The following GAK variants were observed in gnomAD, a reference collection of about 807,000 sequenced individuals.
GAK encodes cyclin G associated kinase, also known as cyclin-G-associated kinase.
A neutral mutation model predicts 143.9 loss-of-function variants in GAK; 79 were observed. That is an observed-to-expected ratio of 0.55 (90% CI 0.46 to 0.66). The LOEUF is 0.66. Ranked by LOEUF, GAK falls within the 30% of genes least tolerant of loss-of-function variation. GAK has a pLI of 0.00. For synonymous variants in GAK, 881 were observed against 765.5 expected (o/e 1.15, Z -2.49); for missense variants, 1,693 against 1,779.7 (o/e 0.95, Z 0.88).
At chr4:857,209 A>C (rs937147283) in intron 24 of GAK, among the ~76,000 whole-genome samples, 1 of 152,120 alleles carries the variant, frequency 6.6e-6, no homozygotes, top group Non-Finnish European at 1.5e-5. Flanking sequence ...TATACCGATA[A>C]ATCCTATTTG....
At chr4:903,550 G>A (rs931307966) in intron 5 of GAK, among the ~76,000 whole-genome samples, 1 of 152,102 alleles carries the variant, frequency 6.6e-6, no homozygotes, top group African/African-American at 2.4e-5. Context: ...CACTGGGTGA[G>A]CAGGAGTTGG....
chr4:917,133 C>T (rs922048321), intron 1 of GAK, among the ~76,000 whole-genome samples: 3 of 152,246 alleles, frequency 2.0e-5, no homozygotes, highest in African/African-American at 4.8e-5. Flanking sequence ...AAAACACAAA[C>T]GACCAGGCCA....
chr4:893,303 G>A (rs1236873402), intron 9 of GAK, 74 bp downstream of exon 9: 4 of 1,107,730 alleles, frequency 3.6e-6, no homozygotes, highest in Non-Finnish European at 5.1e-6. Context: ...CCTCCCCTCT[G>A]CGGGGGATCT....
chr4:864,793 C>T (rs777507228), intron 23 of GAK, among the ~76,000 whole-genome samples: 1 of 152,194 alleles, frequency 6.6e-6, no homozygotes, highest in Non-Finnish European at 1.5e-5. Context: ...GCACGTGGTC[C>T]ACAGAGTGTG....
In GAK at chr4:849,793, G is replaced by A. The variant is rs1234645093; in HGVS notation, c.3835-19C>T. On this transcript the variant is annotated intron_variant, in intron 27 of 27. Coordinates refer to ENST00000314167, the MANE Select transcript of GAK (RefSeq NM_005255.4). The stretch of plus-strand genomic sequence containing the variant: ...CCGCAGCCTATGGGTGACAGGCGGT[G>A]TAAGCGCCTCTTATAAGCATGCGGG... 1.9e-6 allele frequency: 3 copies of A among 1,599,456 alleles called. No individual in the cohort carries two copies. The highest frequency in any genetic ancestry group is 1.1e-5 in the South Asian group (1 of 90,420).
At chr4:903,895 A>C (rs1052755754) in intron 5 of GAK, among the ~76,000 whole-genome samples, 1 of 152,256 alleles carries the variant, frequency 6.6e-6, no homozygotes, top group African/African-American at 2.4e-5. Context: ...GAAGGCCCCC[A>C]GCAGGGAGGC....
intron 1 of GAK, among the ~76,000 whole-genome samples, chr4:931,408 C>T (rs1725740905): frequency 6.6e-6 from 1 of 151,932 alleles, no homozygotes; most frequent in Non-Finnish European, 1.5e-5. Flanking sequence ...GCCCAGTCTA[C>T]CCTCGGCCAA....
Position 882,723 on chromosome 4 carries a change from T to C in GAK, c.1501A>G (p.Lys501Glu). ...NMHAWLRQDHKNVCVVHCMDG... is the reference protein window; with the variant it reads ...NMHAWLRQDHENVCVVHCMDG... ...ATGCAGTGCACGACGCAGACGTTCT[T>C]GTGGTCCTGCCGCAGCCAGGCGTGC... The change falls in exon 14 of 28, where the codon AAG (lysine) becomes GAG (glutamate). Residue 501 changes from lysine to glutamate, a missense_variant. Physicochemically the swap from Lys to Glu is moderately conservative, Grantham distance 56 (BLOSUM62 1). Coordinates refer to ENST00000314167, the MANE Select transcript of GAK (RefSeq NM_005255.4). 3 of 1,612,728 alleles carry C rather than the reference T, an allele frequency of 1.9e-6. No individual in the cohort carries two copies. Among genetic ancestry groups the C allele is most frequent in the Non-Finnish European group, 2.5e-6 (3 of 1,179,962 alleles).
At chr4:899,495 G>A (rs1719451938) in intron 5 of GAK, among the ~76,000 whole-genome samples, 1 of 152,220 alleles carries the variant, frequency 6.6e-6, no homozygotes, top group Admixed American at 6.5e-5. Flanking sequence ...CATGCACGCG[G>A]TCAGTATGGG....
chr4:891,198 C>A (rs1717582393), intron 9 of GAK, among the ~76,000 whole-genome samples: 1 of 152,044 alleles, frequency 6.6e-6, no homozygotes, highest in Non-Finnish European at 1.5e-5. Flanking sequence ...TGAGCTGAGG[C>A]AATTCGCCTG....
At position 903,110 on chromosome 4, in the gene GAK, G is replaced by A. The variant is rs145652221; in HGVS notation, c.525+1527C>T. Among the ~76,000 whole-genome samples the A allele has an allele frequency of 7.5e-4, 115 of 152,338 alleles. 1 individual carries two copies. Among genetic ancestry groups the A allele is most frequent in the Middle Eastern group, 6.8e-3 (2 of 294 alleles). ...AACCGCGCAGTGCCGGCAGCAGCAC[G>A]GAGCGCAGGCCCAGCCCCGGCCCAG... On this transcript the variant is annotated intron_variant, in intron 5 of 27. Transcript: ENST00000314167.
At chr4:892,197 T>A (rs1251553565) in intron 9 of GAK, among the ~76,000 whole-genome samples, 1 of 152,098 alleles carries the variant, frequency 6.6e-6, no homozygotes, top group African/African-American at 2.4e-5. Flanking sequence ...ACCGCCTGGG[T>A]CAGCTCCACT....
At chr4:857,662 A>G (rs1749532880) in intron 24 of GAK, among the ~76,000 whole-genome samples, 2 of 152,060 alleles carry the variant, frequency 1.3e-5, no homozygotes, top group Non-Finnish European at 1.5e-5. Flanking sequence ...ACCATCCCCC[A>G]TATCGATGAC....
rs144499981 is a variant in GAK, at chr4:883,327, C to G, written c.1392G>C (p.Arg464Ser). 30 of 1,613,236 alleles carry G rather than the reference C, an allele frequency of 1.9e-5. No homozygotes were observed. Among genetic ancestry groups the G allele is most frequent in the Admixed American group, 1.5e-4 (9 of 59,982 alleles). Reference sequence around the variant, plus strand: ...TGTGGCCACACACCCGGTTGTGGAACCTGGAGGGCCGGTAGGTCCTCGGGG... The same window carrying G: ...TGTGGCCACACACCCGGTTGTGGAAGCTGGAGGGCCGGTAGGTCCTCGGGG... ...NLSPRTYRPS[R>S]FHNRVSECGW... Residue 464 changes from arginine (R) to serine (S), a missense_variant, in exon 13 of 28, where the codon AGG becomes AGC. By Grantham distance (110) the Arg-to-Ser change is moderately radical. Coordinates refer to ENST00000314167, the MANE Select transcript of GAK (RefSeq NM_005255.4).
intron 24 of GAK, among the ~76,000 whole-genome samples, chr4:855,505 GCAGA>G (rs1748977842): frequency 2.0e-5 from 3 of 152,166 alleles, no homozygotes; most frequent in Non-Finnish European, 2.9e-5. Flanking sequence ...GAGTCCCTGC[GCAGA>G]CAATCGTGTC....
Position 898,063 on chromosome 4 carries a change from G to A in GAK, c.621C>T (p.Ser207=), listed in dbSNP as rs528015613. ...CCTCCACCAGGGCTCGCCTCTGGGC[G>A]CTCCAGCTGTAGTCAGGGTAGTGCG... ...TISHYPDYSW[S]AQRRALVEEE... Residue 207 remains serine, a synonymous_variant, in exon 6 of 28, where the codon AGC becomes AGT. Coordinates refer to ENST00000314167, the MANE Select transcript of GAK (RefSeq NM_005255.4). The A allele has an allele frequency of 1.6e-5, 26 of 1,613,906 alleles. No homozygotes were observed. The highest frequency in any genetic ancestry group is 3.3e-5 in the South Asian group (3 of 91,036).
chr4:867,226 G>A lies in GAK; in HGVS notation c.2602C>T (p.Pro868Ser), dbSNP rs201584204. ...QQDLVFEVET[P>S]AVLPEPVPQE... ...GGCACAGGCTCTGGCAGCACAGCCGGTGTCTCCACCTCAAAAACCAAGTCC... is the reference window on the plus strand; with the variant it reads ...GGCACAGGCTCTGGCAGCACAGCCGATGTCTCCACCTCAAAAACCAAGTCC... The change falls in exon 21 of 28, where the codon CCG becomes TCG. Residue 868 changes from proline to serine, a missense_variant. Pro to Ser is a moderately conservative substitution (Grantham distance 74, BLOSUM62 -1). Transcript: ENST00000314167. The A allele has an allele frequency of 2.5e-6, 4 of 1,612,776 alleles. No individual in the cohort carries two copies. Among genetic ancestry groups the A allele is most frequent in the Non-Finnish European group, 3.4e-6 (4 of 1,179,614 alleles).
chr4:882,962 C>A, intron 13 of GAK, 143 bp from the exon 14 acceptor site: 1 of 1,068,866 alleles, frequency 9.4e-7, no homozygotes, highest in Non-Finnish European at 1.3e-6. Flanking sequence ...GAGACCTGAG[C>A]ACCAGGGCTG....
chr4:876,664 G>T, intron 17 of GAK, 55 bp from the exon 18 acceptor site: 1 of 1,509,706 alleles, frequency 6.6e-7, no homozygotes, highest in Non-Finnish European at 9.2e-7. Context: ...AGATCCTGGG[G>T]CCACAGGCCA....
Sources: allele counts gnomAD v4.1 joint callset (sites outside exome capture counted in the v4.1 genomes callset), GRCh38; gene constraint gnomAD v4.1.1; transcripts MANE v1.5; gene names NCBI Gene and HGNC (gene_info 2026-07-23, HGNC 2026-07-21).